CEP170: variants seen among roughly 807,000 people sequenced by gnomAD.
CEP170 encodes centrosomal protein 170.
A neutral mutation model predicts 151.9 loss-of-function variants in CEP170; 21 were observed. The observed-to-expected ratio is 0.14, with a 90% CI of 0.10 to 0.20. CEP170 has a LOEUF of 0.20. CEP170 is among the 10% of genes least tolerant of loss of function. The probability of loss-of-function intolerance (pLI) is 1.00; values close to 1 mark genes in which losing one functional copy is unlikely to be tolerated. For missense variants in CEP170, 964 were observed against 1,892.9 expected, an observed-to-expected ratio of 0.51 and a Z score of 9.11; for synonymous variants, 356 against 648.8, an observed-to-expected ratio of 0.55 and a Z score of 6.86.
chr1:243,238,402 T>TGA (rs1216132828), intron 1 of CEP170, among the ~76,000 whole-genome samples: 1 of 151,950 alleles, frequency 6.6e-6, no homozygotes, highest in Non-Finnish European at 1.5e-5. Context: ...AAGGATGCAG[T>TGA]GAGCCAAGAC....
rs149859362 is a variant in CEP170 at position 243,251,754 on chromosome 1, T to A, written c.-42+3286A>T. ...CATGCTTGGGATTCTTTTCCACTTCTATACTTTCTGCAATTCCTGTTTGTA... is the reference window on the plus strand; with the variant it reads ...CATGCTTGGGATTCTTTTCCACTTCAATACTTTCTGCAATTCCTGTTTGTA... On this transcript the variant is annotated intron_variant, in intron 1 of 19. Coordinates refer to ENST00000366542, the MANE Select transcript of CEP170 (RefSeq NM_014812.3). Among the ~76,000 whole-genome samples the A allele has an allele frequency of 3.7e-3, 570 of 152,334 alleles. 1 individual carries two copies. The highest frequency in any genetic ancestry group is 5.9e-3 in the Admixed American group (90 of 15,310).
chr1:243,205,485 C>G (rs550730870), intron 4 of CEP170, among the ~76,000 whole-genome samples: 3 of 152,142 alleles, frequency 2.0e-5, no homozygotes, highest in Admixed American at 6.5e-5. Context: ...TTGGGCATAG[C>G]GATGTTCCAA....
At chr1:243,249,066 T>C (rs1316198214) in intron 1 of CEP170, among the ~76,000 whole-genome samples, 2 of 152,162 alleles carry the variant, frequency 1.3e-5, no homozygotes, top group Non-Finnish European at 2.9e-5. Context: ...GCATAGTGGA[T>C]AAAGAGGCTA....
chr1:243,236,487 C>G (rs911785018), intron 1 of CEP170, among the ~76,000 whole-genome samples: 53 of 152,112 alleles, frequency 3.5e-4, no homozygotes, highest in African/African-American at 1.3e-3. Context: ...TGTTTGGCCA[C>G]CAGCAGGCTC....
intron 16 of CEP170, among the ~76,000 whole-genome samples, chr1:243,138,381 C>T (rs953484121): frequency 6.7e-6 from 1 of 150,324 alleles, no homozygotes; most frequent in Non-Finnish European, 1.5e-5. Context: ...TTGTAACTTT[C>T]GGGCTAGTTG....
intron 14 of CEP170, among the ~76,000 whole-genome samples, chr1:243,150,267 C>T (rs2056936350): frequency 6.6e-6 from 1 of 152,178 alleles, no homozygotes; most frequent in African/African-American, 2.4e-5. Context: ...TCTCCTGCCT[C>T]AGCCACCCGA....
intron 3 of CEP170, among the ~76,000 whole-genome samples, chr1:243,218,739 T>C (rs2062533364): frequency 6.6e-6 from 1 of 152,260 alleles, no homozygotes; most frequent in Non-Finnish European, 1.5e-5. Flanking sequence ...TTACATTTAC[T>C]GAATGCTTAC....
intron 1 of CEP170, among the ~76,000 whole-genome samples, chr1:243,252,437 A>C (rs2066025337): frequency 6.6e-6 from 1 of 152,216 alleles, no homozygotes; most frequent in Non-Finnish European, 1.5e-5. Flanking sequence ...ATTTAGTACT[A>C]GATGAGCATT....
intron 14 of CEP170, among the ~76,000 whole-genome samples, chr1:243,152,544 T>TC (rs1336019214): frequency 7.9e-6 from 1 of 126,996 alleles, no homozygotes; most frequent in Non-Finnish European, 1.6e-5. Flanking sequence ...TTTTTTTTTT[T>TC]TTTTTGAGAT....
intron 14 of CEP170, among the ~76,000 whole-genome samples, chr1:243,154,290 C>T (rs1301753014): frequency 6.6e-6 from 1 of 152,274 alleles, no homozygotes; most frequent in Non-Finnish European, 1.5e-5. Context: ...AAATATTGCT[C>T]TCAGCACAGG....
intron 7 of CEP170, among the ~76,000 whole-genome samples, chr1:243,196,958 C>T (rs1460116838): frequency 6.6e-6 from 1 of 152,060 alleles, no homozygotes; most frequent in Non-Finnish European, 1.5e-5. Context: ...GGAGAGACCA[C>T]TCAAACAACT....
chr1:243,241,462 G>C (rs769082117), intron 1 of CEP170, among the ~76,000 whole-genome samples: 3 of 152,046 alleles, frequency 2.0e-5, no homozygotes, highest in Non-Finnish European at 4.4e-5. Flanking sequence ...GTGATGATAT[G>C]ATGAGAGCTA....
chr1:243,139,194 C>T (rs181437205), intron 16 of CEP170, among the ~76,000 whole-genome samples: 277 of 151,920 alleles, frequency 1.8e-3, no homozygotes, highest in African/African-American at 6.3e-3. Flanking sequence ...CTCTGCCTCC[C>T]GGGTTCAAGT....
chr1:243,131,815 A>T (rs1387553496), intron 17 of CEP170, among the ~76,000 whole-genome samples: 1 of 152,198 alleles, frequency 6.6e-6, no homozygotes, highest in Non-Finnish European at 1.5e-5. Flanking sequence ...TAAAATTCCA[A>T]AGCTTATTTC....
At chr1:243,215,651 C>T (rs2062206517) in intron 3 of CEP170, among the ~76,000 whole-genome samples, 1 of 152,132 alleles carries the variant, frequency 6.6e-6, no homozygotes, top group Non-Finnish European at 1.5e-5. Flanking sequence ...ACAATGCGTG[C>T]CCAGTGGGAC....
intron 14 of CEP170, among the ~76,000 whole-genome samples, chr1:243,143,476 G>A (rs2056118925): frequency 6.6e-6 from 1 of 151,988 alleles, no homozygotes; most frequent in Admixed American, 6.6e-5. Context: ...GATAATCAAA[G>A]GTGAAAATAG....
intron 1 of CEP170, among the ~76,000 whole-genome samples, chr1:243,247,853 A>C (rs777450117): frequency 6.6e-6 from 1 of 152,228 alleles, no homozygotes; most frequent in African/African-American, 2.4e-5. Flanking sequence ...TGGGGCAATA[A>C]GGGAAGGAGA....
chr1:243,226,139 A>G (rs111771949), intron 1 of CEP170, among the ~76,000 whole-genome samples: 1 of 55,738 alleles, frequency 1.8e-5, no homozygotes, highest in East Asian at 1.7e-3. Flanking sequence ...ATATATGTGT[A>G]TATATATGTA....
intron 1 of CEP170, among the ~76,000 whole-genome samples, chr1:243,247,910 GT>G (rs1374308449): frequency 5.9e-5 from 9 of 152,138 alleles, no homozygotes; most frequent in Non-Finnish European, 8.8e-5. Flanking sequence ...CATCTACCTC[GT>G]TTGGCTACCA....
Sources: gnomAD v4.1 joint callset for allele counts (sites outside exome capture counted in the v4.1 genomes callset) on GRCh38, gnomAD v4.1.1 for gene constraint, MANE v1.5 for transcripts, NCBI Gene and HGNC (gene_info 2026-07-23, HGNC 2026-07-21) for gene names.